Variants in CTNNA3 observed in about 807,000 individuals in gnomAD.
The protein encoded by CTNNA3 is catenin alpha 3.
In CTNNA3, 76 loss-of-function variants were observed where a neutral mutation model predicts 95.7. The ratio of observed to expected loss-of-function variants is 0.79; its 90% CI spans 0.66 to 0.96. CTNNA3 has a LOEUF of 0.96. Among genes scored for constraint, CTNNA3 ranks in the 40% least tolerant of loss-of-function variants. The pLI, the probability that CTNNA3 is intolerant of heterozygous loss-of-function variation, is 0.00. For synonymous variants in CTNNA3, 431 were observed against 374.4 expected (o/e 1.15, Z -1.74); for missense variants, 1,191 against 1,089.8 (o/e 1.09, Z -1.31).
chr10:66,300,890 C>T (rs1372184444), intron 12 of CTNNA3, among the ~76,000 whole-genome samples: 1 of 151,384 alleles, frequency 6.6e-6, no homozygotes. Flanking sequence ...AAATCAAAAG[C>T]TAGTTATCTG....
At chr10:67,500,354 G>A (rs1217256280) in intron 5 of CTNNA3, among the ~76,000 whole-genome samples, 1 of 152,144 alleles carries the variant, frequency 6.6e-6, no homozygotes, top group East Asian at 1.9e-4. Flanking sequence ...TTCCAATTAT[G>A]TGGTCAATTT....
chr10:66,770,059 T>C (rs1032986087), intron 8 of CTNNA3, among the ~76,000 whole-genome samples: 4 of 152,176 alleles, frequency 2.6e-5, no homozygotes, highest in African/African-American at 9.7e-5. Flanking sequence ...TTGCTAATTA[T>C]ACTCTACTAC....
At chr10:67,522,609 T>C in intron 4 of CTNNA3, among the ~76,000 whole-genome samples, 1 of 151,662 alleles carries the variant, frequency 6.6e-6, no homozygotes, top group East Asian at 1.9e-4. Context: ...AGCAGATGAG[T>C]TATGATCAGA....
intron 10 of CTNNA3, among the ~76,000 whole-genome samples, chr10:66,581,455 G>T (rs1843185989): frequency 6.6e-6 from 1 of 151,382 alleles, no homozygotes; most frequent in Non-Finnish European, 1.5e-5. Flanking sequence ...TCTGGCTCGG[G>T]TAAGGTGGTA....
chr10:66,295,331 C>T (rs545507688), intron 12 of CTNNA3, among the ~76,000 whole-genome samples: 118 of 152,166 alleles, frequency 7.8e-4, no homozygotes, highest in South Asian at 5.4e-3. Context: ...AATGCATAAT[C>T]GTTGGCTTGG....
Position 66,360,739 on chromosome 10 carries a change from TC to T in CTNNA3, c.1732+18412del, listed in dbSNP as rs1564896786. On this transcript the variant is annotated intron_variant, in intron 12 of 17. Transcript: ENST00000433211. The stretch of plus-strand genomic sequence containing the variant: ...TCCTTTCTTCCTTTCTTTCTTTCTT[TC>T]TTTCTTCCTTCCTTCCTTCCTTCCT... Among the ~76,000 whole-genome samples, 27 of 82,130 alleles carry T rather than the reference TC, an allele frequency of 3.3e-4. 5 individuals are homozygous for T. In the South Asian group the frequency reaches 4.5e-3, roughly 14 times the overall value. The allele number at this position is 82,130 out of a possible 152,430, so 53.9% of individuals were successfully genotyped here.
At chr10:66,912,694 C>T (rs1846272379) in intron 7 of CTNNA3, among the ~76,000 whole-genome samples, 1 of 151,914 alleles carries the variant, frequency 6.6e-6, no homozygotes, top group Non-Finnish European at 1.5e-5. Context: ...TTTTTCCTAG[C>T]ATTTTTGGAG....
At chr10:66,429,503 A>G (rs34423004) in intron 11 of CTNNA3, among the ~76,000 whole-genome samples, 30,827 of 152,094 alleles carry the variant, frequency 0.2, 3,472 homozygotes, top group South Asian at 0.3. Flanking sequence ...AAAATCCTCA[A>G]TAAAATACTG....
At chr10:67,483,009 C>T (rs574520462) in intron 5 of CTNNA3, among the ~76,000 whole-genome samples, 187 of 152,062 alleles carry the variant, frequency 1.2e-3, no homozygotes, top group African/African-American at 4.3e-3. Flanking sequence ...AAAAAACACA[C>T]GAAAAAATGC....
intron 11 of CTNNA3, among the ~76,000 whole-genome samples, chr10:66,428,728 A>G (rs1232159241): frequency 6.6e-6 from 1 of 152,196 alleles, no homozygotes; most frequent in Non-Finnish European, 1.5e-5. Flanking sequence ...ATAACATACT[A>G]GAATATCTGG....
chr10:66,382,348 C>T (rs141871487), intron 11 of CTNNA3, among the ~76,000 whole-genome samples: 9,232 of 152,208 alleles, frequency 0.061, 396 homozygotes, highest in East Asian at 0.1. Context: ...AGTCTGAGAT[C>T]GATCTGCGAG....
chr10:67,080,133 T>C (rs1334539772), intron 7 of CTNNA3, among the ~76,000 whole-genome samples: 2 of 152,174 alleles, frequency 1.3e-5, no homozygotes, highest in African/African-American at 4.8e-5. Flanking sequence ...CCCCAAGTGC[T>C]TGTATTTCGT....
At chr10:67,305,378 T>TAAAAAA (rs562331483) in intron 5 of CTNNA3, among the ~76,000 whole-genome samples, 1 of 105,490 alleles carries the variant, frequency 9.5e-6, no homozygotes, top group African/African-American at 3.7e-5. Flanking sequence ...AAAAAAAAAT[T>TAAAAAA]AAAAAAAAAA....
chr10:65,978,484 T>A (rs1397020460), intron 16 of CTNNA3, among the ~76,000 whole-genome samples: 1 of 101,264 alleles, frequency 9.9e-6, no homozygotes, highest in East Asian at 2.2e-4. Context: ...CCTGAGCAAT[T>A]TTTTTTTTTT....
intron 7 of CTNNA3, among the ~76,000 whole-genome samples, chr10:67,159,889 A>T (rs1283391993): frequency 6.6e-6 from 1 of 152,188 alleles, no homozygotes; most frequent in African/African-American, 2.4e-5. Context: ...TAATCTAAAA[A>T]TTTTCTACAC....
At chr10:67,049,277 T>C (rs1442003080) in intron 7 of CTNNA3, among the ~76,000 whole-genome samples, 1 of 152,108 alleles carries the variant, frequency 6.6e-6, no homozygotes, top group Non-Finnish European at 1.5e-5. Context: ...AAGAGGTCTA[T>C]TATTAATCAA....
chr10:66,909,510 AAAATAAATAAAT>A (rs3056543), intron 7 of CTNNA3, among the ~76,000 whole-genome samples: 1 of 150,446 alleles, frequency 6.6e-6, no homozygotes, highest in South Asian at 2.1e-4. Flanking sequence ...ACTCCATCTC[AAAATAAATAAAT>A]AAATAAATAA....
intron 7 of CTNNA3, among the ~76,000 whole-genome samples, chr10:67,074,141 T>A (rs942082054): frequency 4.8e-5 from 7 of 145,648 alleles, no homozygotes; most frequent in African/African-American, 7.7e-5. Flanking sequence ...GAAGAGATCC[T>A]CCTTCCTCAG....
chr10:67,271,024 G>T lies in CTNNA3; in HGVS notation c.580-51154C>A, dbSNP rs373011032. ...GTTACTCTCCAAATCATGCAATCTA[G>T]TGGACTGTAATTCCAATATTATAAA... On this transcript the variant is annotated intron_variant, in intron 5 of 17. Transcript: ENST00000433211. Among the ~76,000 whole-genome samples the T allele has an allele frequency of 9.9e-5, 15 of 152,230 alleles. No homozygotes were observed. The East Asian group carries it at 1.2e-3, about 12-fold the overall frequency.
Sources: allele counts gnomAD v4.1 joint callset (sites outside exome capture counted in the v4.1 genomes callset), GRCh38; gene constraint gnomAD v4.1.1; transcripts MANE v1.5; gene names NCBI Gene and HGNC (gene_info 2026-07-23, HGNC 2026-07-21).